The following PPARG variants were observed in gnomAD, a reference collection of about 807,000 sequenced individuals.
The protein encoded by PPARG is peroxisome proliferator-activated receptor gamma.
A neutral mutation model predicts 39.2 loss-of-function variants in PPARG; 17 were observed. The observed-to-expected ratio is 0.43, with a 90% CI of 0.30 to 0.65. The LOEUF (loss-of-function observed/expected upper bound fraction) is 0.65, where lower values mean the gene tolerates loss of function less well. PPARG is among the 30% of genes least tolerant of loss of function. The pLI is 0.13. For synonymous variants in PPARG, 223 were observed against 215.7 expected (o/e 1.03, Z -0.30); for missense variants, 406 against 585.9 (o/e 0.69, Z 3.17).
At chr3:12,310,075 A>G (rs12629240) in intron 1 of PPARG, among the ~76,000 whole-genome samples, 38,141 of 151,902 alleles carry the variant, frequency 0.25, 4,858 homozygotes, top group East Asian at 0.32. Flanking sequence ...TGTGTTTCAC[A>G]TCTGGGGACG....
chr3:12,293,706 T>G (rs2046707563), intron 1 of PPARG, among the ~76,000 whole-genome samples: 1 of 152,224 alleles, frequency 6.6e-6, no homozygotes, highest in African/African-American at 2.4e-5. Flanking sequence ...TTATTCTTTC[T>G]GGCTCTATAC....
At chr3:12,326,732 T>TAA (rs67402367) in intron 2 of PPARG, among the ~76,000 whole-genome samples, 101 of 148,478 alleles carry the variant, frequency 6.8e-4, no homozygotes, top group South Asian at 3.7e-3. Flanking sequence ...GTGAGATATA[T>TAA]AAAAAAAAAA....
At chr3:12,360,097 A>G (rs2048793600) in intron 2 of PPARG, among the ~76,000 whole-genome samples, 1 of 152,230 alleles carries the variant, frequency 6.6e-6, no homozygotes, top group Admixed American at 6.5e-5. Context: ...TTACAAAAAC[A>G]GATAGTTTAT....
chr3:12,368,339 G>A (rs1428612671), intron 2 of PPARG, among the ~76,000 whole-genome samples: 2 of 151,670 alleles, frequency 1.3e-5, no homozygotes, highest in Non-Finnish European at 2.9e-5. Flanking sequence ...GCGCCACCAC[G>A]CCCGGCTAAT....
chr3:12,383,931 A>C (rs2049776672), intron 4 of PPARG, among the ~76,000 whole-genome samples: 1 of 152,108 alleles, frequency 6.6e-6, no homozygotes, highest in South Asian at 2.1e-4. Flanking sequence ...AAAAATACTT[A>C]ATAAAACCTG....
intron 1 of PPARG, among the ~76,000 whole-genome samples, chr3:12,309,049 G>T (rs2047154720): frequency 1.3e-5 from 2 of 152,178 alleles, no homozygotes; most frequent in South Asian, 4.1e-4. Flanking sequence ...CTATGCTAAT[G>T]TACTTTATTA....
At chr3:12,378,243 A>G (rs2049489695) in intron 2 of PPARG, among the ~76,000 whole-genome samples, 1 of 152,184 alleles carries the variant, frequency 6.6e-6, no homozygotes, top group African/African-American at 2.4e-5. Flanking sequence ...GAACTAGCAT[A>G]TGATCTAGCA....
intron 5 of PPARG, among the ~76,000 whole-genome samples, chr3:12,395,913 C>A (rs754401676): frequency 1.3e-5 from 2 of 152,096 alleles, no homozygotes; most frequent in Admixed American, 1.3e-4. Flanking sequence ...TGTAACTTAC[C>A]AAGTGATCAT....
intron 5 of PPARG, among the ~76,000 whole-genome samples, chr3:12,395,637 C>G (rs1297083958): frequency 1.3e-5 from 2 of 152,206 alleles, no homozygotes; most frequent in Non-Finnish European, 2.9e-5. Flanking sequence ...AAAAAGTACC[C>G]AGGTGATGGA....
chr3:12,304,457 C>G (rs2047007909), intron 1 of PPARG, among the ~76,000 whole-genome samples: 1 of 152,096 alleles, frequency 6.6e-6, no homozygotes. Flanking sequence ...GGGGGAAATT[C>G]TAGAATGTTT....
intron 6 of PPARG, among the ~76,000 whole-genome samples, chr3:12,415,360 T>C (rs191100697): frequency 7.9e-5 from 12 of 152,352 alleles, no homozygotes; most frequent in Non-Finnish European, 1.5e-4. Context: ...GAACCAAAGC[T>C]GGAACACACA....
intron 6 of PPARG, among the ~76,000 whole-genome samples, chr3:12,408,142 T>C (rs938387001): frequency 6.6e-6 from 1 of 152,222 alleles, no homozygotes; most frequent in African/African-American, 2.4e-5. Context: ...TCCCACTTGC[T>C]GGTAGTAAGC....
intron 2 of PPARG, among the ~76,000 whole-genome samples, chr3:12,372,597 G>C (rs2049259692): frequency 6.6e-6 from 1 of 152,174 alleles, no homozygotes; most frequent in Non-Finnish European, 1.5e-5. Context: ...CATTTTACCA[G>C]CTATTCTAAT....
chr3:12,325,438 TAAAAGTATAA>T (rs1478407738), intron 2 of PPARG, among the ~76,000 whole-genome samples: 1 of 151,260 alleles, frequency 6.6e-6, no homozygotes, highest in Non-Finnish European at 1.5e-5. Context: ...AATAAATAAA[TAAAAGTATAA>T]AAAACGAGCC....
At chr3:12,433,608 A>T (rs2051743130) in intron 7 of PPARG, among the ~76,000 whole-genome samples, 1 of 152,020 alleles carries the variant, frequency 6.6e-6, no homozygotes, top group South Asian at 2.1e-4. Flanking sequence ...AGGAAACTTC[A>T]TTTGGGGAAC....
intron 5 of PPARG, chr3:12,399,369 A>G (rs1292901778): frequency 2.2e-6 from 1 of 456,076 alleles, no homozygotes; most frequent in Non-Finnish European, 4.4e-6. Context: ...AAGGATAGTT[A>G]TTAGATTGCC....
intron 1 of PPARG, among the ~76,000 whole-genome samples, chr3:12,295,658 C>T (rs1223172868): frequency 4.6e-5 from 7 of 151,818 alleles, no homozygotes; most frequent in Non-Finnish European, 8.8e-5. Context: ...GGATTACAGG[C>T]GCCCACCACC....
At chr3:12,416,133 C>T (rs1379202822) in intron 6 of PPARG, among the ~76,000 whole-genome samples, 1 of 152,216 alleles carries the variant, frequency 6.6e-6, no homozygotes, top group Admixed American at 6.5e-5. Context: ...AATCCCAGCC[C>T]TTTGGGAGGC....
At chr3:12,363,055 G>A (rs1373371721) in intron 2 of PPARG, among the ~76,000 whole-genome samples, 2 of 151,826 alleles carry the variant, frequency 1.3e-5, no homozygotes, top group African/African-American at 4.8e-5. Flanking sequence ...CCAGTAGCTG[G>A]GACCACAGCA....
Sources: allele counts gnomAD v4.1 joint callset (sites outside exome capture counted in the v4.1 genomes callset), GRCh38; gene constraint gnomAD v4.1.1; transcripts MANE v1.5; gene names NCBI Gene and HGNC (gene_info 2026-07-23, HGNC 2026-07-21).